Variants in MRE11 observed in about 807,000 individuals in gnomAD.
The protein encoded by MRE11 is MRE11 double strand break repair nuclease.
MRE11 carries 62 observed loss-of-function variants against 91.7 expected under a neutral mutation model. The observed-to-expected ratio is 0.68, with a 90% confidence interval of 0.55 to 0.84. The LOEUF (loss-of-function observed/expected upper bound fraction) is 0.84. Ranked by LOEUF, MRE11 falls within the 40% of genes least tolerant of loss-of-function variation. The pLI, the probability that MRE11 is intolerant of heterozygous loss-of-function variation, is 0.00. For synonymous variants in MRE11, 273 were observed against 271.4 expected (o/e 1.01, Z -0.06); for missense variants, 796 against 852.9 (o/e 0.93, Z 0.83).
At chr11:94,474,879 T>C (rs1217133376) in intron 7 of MRE11, among the ~76,000 whole-genome samples, 2 of 152,174 alleles carry the variant, frequency 1.3e-5, no homozygotes, top group East Asian at 3.9e-4. Flanking sequence ...TTTGGCATAG[T>C]ACAAAAAAAT....
At chr11:94,439,601 T>A (rs551881868) in intron 16 of MRE11, among the ~76,000 whole-genome samples, 1 of 152,336 alleles carries the variant, frequency 6.6e-6, no homozygotes, top group South Asian at 2.1e-4. Context: ...TACAACATTG[T>A]CAAATTTTAT....
chr11:94,507,825 G>T, the MRE11 span, among the ~76,000 whole-genome samples: 2 of 151,838 alleles, frequency 1.3e-5, no homozygotes, highest in East Asian at 1.9e-4. Context: ...TTTTCTTTCT[G>T]GGATGTGTGC....
chr11:94,448,749 C>T (rs903432719), intron 14 of MRE11, among the ~76,000 whole-genome samples: 9 of 152,072 alleles, frequency 5.9e-5, no homozygotes, highest in African/African-American at 1.7e-4. Context: ...GAAAAGACAT[C>T]GTGCCACTGC....
chr11:94,461,969 G>A (rs1946430780), intron 11 of MRE11, among the ~76,000 whole-genome samples: 1 of 152,164 alleles, frequency 6.6e-6, no homozygotes, highest in African/African-American at 2.4e-5. Context: ...CAGCGACTCG[G>A]GAGGCTGAGG....
chr11:94,473,986 C>T (rs546087558), intron 7 of MRE11, among the ~76,000 whole-genome samples: 126 of 152,112 alleles, frequency 8.3e-4, no homozygotes, highest in African/African-American at 2.9e-3. Context: ...TCAGTCTGAA[C>T]TTATCATTGG....
chr11:94,465,946 CTG>C (rs1390519608), intron 10 of MRE11, among the ~76,000 whole-genome samples: 3 of 152,056 alleles, frequency 2.0e-5, no homozygotes, highest in Admixed American at 6.5e-5. Context: ...TGGAAGCAGA[CTG>C]TGAGTGGTGC....
rs114751981 is a variant in MRE11, at chr11:94,489,950, T to C, written c.153+883A>G. On this transcript the variant is annotated intron_variant, in intron 3 of 19. Coordinates refer to ENST00000323929, the MANE Select transcript of MRE11 (RefSeq NM_005591.4). ...CACACTTCAGAGTCACTGTCATCCC[T>C]TTGCCCTCATCCCCACCCCGCTACA... 2.8e-3 allele frequency among the ~76,000 whole-genome samples: 432 copies of C among 152,250 alleles called. 1 individual carries two copies. Among genetic ancestry groups the C allele is most frequent in the African/African-American group, 0.01 (418 of 41,542 alleles).
intron 11 of MRE11, among the ~76,000 whole-genome samples, chr11:94,463,853 C>A (rs1453686885): frequency 6.6e-6 from 1 of 152,076 alleles, no homozygotes; most frequent in East Asian, 1.9e-4. Flanking sequence ...ATGGGTGCAG[C>A]ACACCAACAT....
At chr11:94,466,672 CT>C in intron 10 of MRE11, 2 of 270,742 alleles carry the variant, frequency 7.4e-6, no homozygotes, top group Non-Finnish European at 1.6e-5. Flanking sequence ...CTACACTGTA[CT>C]CTTTACCTCC....
chr11:94,435,713 T>C, intron 18 of MRE11, 119 bp downstream of exon 18: 1 of 799,632 alleles, frequency 1.3e-6, no homozygotes, highest in Non-Finnish European at 2.1e-6. Flanking sequence ...CTACATACTT[T>C]ACTAGTTGAA....
At chr11:94,430,084 T>A in intron 18 of MRE11, 98 bp from the exon 19 acceptor site, 1 of 1,097,848 alleles carries the variant, frequency 9.1e-7, no homozygotes, top group Non-Finnish European at 1.4e-6. Context: ...CTGCCACGAA[T>A]ATAAATAACA....
At chr11:94,451,872 A>G (rs1296146166) in intron 14 of MRE11, among the ~76,000 whole-genome samples, 1 of 152,146 alleles carries the variant, frequency 6.6e-6, no homozygotes, top group East Asian at 1.9e-4. Context: ...CACACACACA[A>G]ATGTGTTCAA....
the MRE11 span, among the ~76,000 whole-genome samples, chr11:94,502,216 A>G: frequency 6.6e-6 from 1 of 152,328 alleles, no homozygotes; most frequent in East Asian, 1.9e-4. Flanking sequence ...TTGTCATGCC[A>G]TGTGCGCATG....
rs1271083659 is a variant in MRE11, at chr11:94,417,832, A to T, written c.*2293T>A. The T allele has an allele frequency of 4.3e-6, 1 of 232,968 alleles. No individual in the cohort carries two copies. Among genetic ancestry groups the T allele is most frequent in the Non-Finnish European group, 8.5e-6 (1 of 117,972 alleles). The allele number at this position is 232,968 out of a possible 1,614,324, so 14.4% of individuals were successfully genotyped here. A position where few individuals can be genotyped will look rare whatever the true frequency, so the allele number is the denominator to read the frequency against. On this transcript the variant is annotated 3_prime_UTR_variant, in exon 20 of 20. Transcript: ENST00000323929. ...TAAAGGTCACATTCCTAAATGCTTG[A>T]ATTTTCTAAGCACCACTTATATTTT...
chr11:94,461,517 CTG>C (rs1397407562), intron 11 of MRE11, among the ~76,000 whole-genome samples: 1 of 152,130 alleles, frequency 6.6e-6, no homozygotes, highest in Admixed American at 6.5e-5. Flanking sequence ...CAATATCATA[CTG>C]AATGGACAAA....
chr11:94,452,074 C>T (rs1052684767), intron 14 of MRE11, among the ~76,000 whole-genome samples: 4 of 151,522 alleles, frequency 2.6e-5, no homozygotes, highest in South Asian at 4.2e-4. Context: ...GGCATGGTAG[C>T]GCGCGCTAGC....
rs537677127 is a variant in MRE11, at chr11:94,493,740, G to A, written c.-106+51C>T. ...CGCGACCCAAGGCTGTCTTCTTTTC[G>A]GGAAGAAAGGGCAGGATCCGTGAAA... On this transcript the variant is annotated intron_variant, in intron 1 of 19. Transcript: ENST00000323929. 4 of 152,370 alleles carry A rather than the reference G, an allele frequency of 2.6e-5. No individual in the cohort carries two copies. The East Asian group carries it at 5.8e-4, about 22-fold the overall frequency. The allele number at this position is 152,370 out of a possible 1,614,324, so 9.4% of individuals were successfully genotyped here. A position where few individuals can be genotyped will look rare whatever the true frequency, so the allele number is the denominator to read the frequency against.
At chr11:94,459,068 A>G (rs13447665) in intron 13 of MRE11, among the ~76,000 whole-genome samples, 1,850 of 152,246 alleles carry the variant, frequency 0.012, 13 homozygotes, top group Middle Eastern at 0.051. Flanking sequence ...GAAATTTTCT[A>G]AATGAAATTC....
At position 94,464,233 on chromosome 11, in the gene MRE11, A is replaced by T; in HGVS notation, c.1105T>A (p.Tyr369Asn). ...EKPLVRLRVD[Y>N]SGGFEPFSVL... ...CTGAAAGGTTCAAAACCTCCACTAT[A>T]GTCCACCTGAAAACACAGAATAATC... The change falls in exon 11 of 20, where the codon TAT becomes AAT. Residue 369 changes from tyrosine to asparagine, a missense_variant. Tyr to Asn is a moderately radical substitution (Grantham distance 143). Transcript: ENST00000323929. 1 of 1,613,916 alleles carries T rather than the reference A, an allele frequency of 6.2e-7. No homozygotes were observed. The highest frequency in any genetic ancestry group is 1.1e-5 in the South Asian group (1 of 91,070).
Sources: gnomAD v4.1 joint callset for allele counts (sites outside exome capture counted in the v4.1 genomes callset) on GRCh38, gnomAD v4.1.1 for gene constraint, MANE v1.5 for transcripts, NCBI Gene and HGNC (gene_info 2026-07-23, HGNC 2026-07-21) for gene names.